Variants in ASCC3 observed in about 807,000 individuals in gnomAD.
ASCC3 encodes the protein ASC-1 complex subunit P200.
ASCC3 carries 158 observed loss-of-function variants against 256.3 expected under a neutral mutation model. The observed-to-expected ratio is 0.62, with a 90% CI of 0.54 to 0.70. The LOEUF (loss-of-function observed/expected upper bound fraction) is 0.70. Among genes scored for constraint, ASCC3 ranks in the 30% least tolerant of loss-of-function variants. The pLI, the probability that ASCC3 is intolerant of heterozygous loss-of-function variation, is 0.00. For missense variants in ASCC3, 2,259 were observed against 2,626.0 expected (o/e 0.86, Z 3.05); for synonymous variants, 948 against 883.4 (o/e 1.07, Z -1.30).
chr6:100,822,659 T>C (rs113728585), intron 4 of ASCC3, among the ~76,000 whole-genome samples: 1,855 of 152,262 alleles, frequency 0.012, 44 homozygotes, highest in African/African-American at 0.043. Context: ...CTAAAGAACC[T>C]TGAAAATTCA....
At chr6:100,849,248 G>C (rs1445666389) in intron 3 of ASCC3, among the ~76,000 whole-genome samples, 2 of 152,126 alleles carry the variant, frequency 1.3e-5, no homozygotes, top group African/African-American at 4.8e-5. Context: ...TCTAAGTGCA[G>C]AAACTACCTA....
chr6:100,759,321 T>C (rs1053148662), intron 10 of ASCC3, among the ~76,000 whole-genome samples: 2 of 152,210 alleles, frequency 1.3e-5, no homozygotes, highest in Admixed American at 6.5e-5. Flanking sequence ...CCCATGCCTA[T>C]GTCCTGAATG....
intron 14 of ASCC3, among the ~76,000 whole-genome samples, chr6:100,663,401 C>G (rs1219862178): frequency 6.6e-6 from 1 of 152,016 alleles, no homozygotes. Flanking sequence ...TCCATCCAGC[C>G]CAGAAAATGA....
chr6:100,750,030 G>T (rs1582806223), intron 10 of ASCC3, among the ~76,000 whole-genome samples: 1 of 151,816 alleles, frequency 6.6e-6, no homozygotes, highest in East Asian at 1.9e-4. Context: ...CAGCAAATTT[G>T]CGGTTCTATT....
At chr6:100,565,832 T>TA (rs1770213133) in intron 36 of ASCC3, among the ~76,000 whole-genome samples, 1 of 152,174 alleles carries the variant, frequency 6.6e-6, no homozygotes, top group Non-Finnish European at 1.5e-5. Flanking sequence ...TTGCAGACCT[T>TA]AAATATACAC....
intron 4 of ASCC3, among the ~76,000 whole-genome samples, chr6:100,847,451 T>TA (rs1772438982): frequency 6.6e-6 from 1 of 152,152 alleles, no homozygotes; most frequent in African/African-American, 2.4e-5. Context: ...ACCTATGGGT[T>TA]AAGTCCTCCA....
intron 13 of ASCC3, among the ~76,000 whole-genome samples, chr6:100,682,758 T>C (rs1222360885): frequency 2.0e-5 from 3 of 152,346 alleles, no homozygotes; most frequent in African/African-American, 7.2e-5. Flanking sequence ...TAAAGTTGCA[T>C]AAAGGAGGCT....
chr6:100,853,906 A>G (rs1446401481), intron 3 of ASCC3, among the ~76,000 whole-genome samples: 1 of 152,212 alleles, frequency 6.6e-6, no homozygotes, highest in African/African-American at 2.4e-5. Flanking sequence ...TACCTACAAC[A>G]TTAGATACAA....
intron 37 of ASCC3, among the ~76,000 whole-genome samples, chr6:100,535,930 A>G (rs888347654): frequency 3.3e-5 from 5 of 152,218 alleles, no homozygotes; most frequent in African/African-American, 9.7e-5. Flanking sequence ...ATAAATTATG[A>G]TATTTTATAT....
intron 14 of ASCC3, among the ~76,000 whole-genome samples, chr6:100,671,450 T>TA (rs1321333205): frequency 1.3e-5 from 2 of 151,998 alleles, no homozygotes; most frequent in Admixed American, 1.3e-4. Context: ...TCCAATACTA[T>TA]ACTCACTGGA....
chr6:100,798,022 G>A (rs1157086530), intron 8 of ASCC3, among the ~76,000 whole-genome samples: 1 of 152,108 alleles, frequency 6.6e-6, no homozygotes, highest in African/African-American at 2.4e-5. Context: ...TTGGTTGGCT[G>A]TGAGTATTCT....
intron 10 of ASCC3, among the ~76,000 whole-genome samples, chr6:100,754,022 T>G (rs7747014): frequency 0.47 from 71,368 of 151,890 alleles, 16,926 homozygotes; most frequent in South Asian, 0.6. Context: ...TTCAAATTCC[T>G]ACTATTTAAC....
chr6:100,552,616 G>C (rs1428826790), intron 36 of ASCC3, among the ~76,000 whole-genome samples: 1 of 151,820 alleles, frequency 6.6e-6, no homozygotes, highest in Non-Finnish European at 1.5e-5. Flanking sequence ...GCTCACAAAA[G>C]TACATCAATG....
chr6:100,515,979 T>A (rs1774005124), intron 39 of ASCC3, among the ~76,000 whole-genome samples: 1 of 152,204 alleles, frequency 6.6e-6, no homozygotes, highest in Non-Finnish European at 1.5e-5. Context: ...TAAAGCAGTT[T>A]ACATAAGAGT....
chr6:100,683,943 A>T (rs979456460), intron 13 of ASCC3, among the ~76,000 whole-genome samples: 3 of 152,152 alleles, frequency 2.0e-5, no homozygotes, highest in African/African-American at 7.2e-5. Context: ...ACATCATGGA[A>T]TCATTCCCAT....
intron 38 of ASCC3, among the ~76,000 whole-genome samples, chr6:100,516,712 T>G (rs1774045079): frequency 6.6e-6 from 1 of 152,168 alleles, no homozygotes; most frequent in South Asian, 2.1e-4. Flanking sequence ...AAGTTTTAAA[T>G]TATAAGTTGT....
chr6:100,611,616 AT>A (rs907398021), intron 30 of ASCC3, among the ~76,000 whole-genome samples: 22 of 152,134 alleles, frequency 1.4e-4, no homozygotes, highest in African/African-American at 5.3e-4. Context: ...ATAACAATTA[AT>A]TTATACAACT....
At position 100,731,999 on chromosome 6, in the gene ASCC3, A is replaced by G. The variant is rs150000298; in HGVS notation, c.1738-6296T>C. Among the ~76,000 whole-genome samples, 7 of 152,174 alleles carry G rather than the reference A, an allele frequency of 4.6e-5. No homozygotes were observed. In the East Asian group the frequency reaches 9.7e-4, roughly 21 times the overall value. On this transcript the variant is annotated intron_variant, in intron 10 of 41. Transcript: ENST00000369162. Reference sequence around the variant, plus strand: ...CAACATGGCAAACCCCGTCTCTACTAAAAATACAAAAATTAGCCAGGCATG... The same window carrying G: ...CAACATGGCAAACCCCGTCTCTACTGAAAATACAAAAATTAGCCAGGCATG...
chr6:100,757,707 A>G lies in ASCC3; in HGVS notation c.1737+8858T>C, dbSNP rs1168421988. On this transcript the variant is annotated intron_variant, in intron 10 of 41. Transcript: ENST00000369162. The stretch of plus-strand genomic sequence containing the variant: ...CTAATAACCCTAGACAAAATGCATG[A>G]AACAGACATCAGAAGATTCTGAAAA... Among the ~76,000 whole-genome samples the G allele has an allele frequency of 2.6e-5, 4 of 152,336 alleles. No individual in the cohort carries two copies. The East Asian group carries it at 7.7e-4, about 29-fold the overall frequency.
Sources: gnomAD v4.1 joint callset for allele counts (sites outside exome capture counted in the v4.1 genomes callset) on GRCh38, gnomAD v4.1.1 for gene constraint, MANE v1.5 for transcripts, NCBI Gene and HGNC (gene_info 2026-07-23, HGNC 2026-07-21) for gene names.